The following NODAL variants were observed in gnomAD, a reference collection of about 807,000 sequenced individuals.
The protein encoded by NODAL is nodal homolog.
In NODAL, 12 loss-of-function variants were observed where a neutral mutation model predicts 34.0. That is an observed-to-expected ratio of 0.35 (90% confidence interval 0.23 to 0.57). The LOEUF (loss-of-function observed/expected upper bound fraction) is 0.57. Among genes scored for constraint, NODAL ranks in the 20% least tolerant of loss-of-function variants. The probability of loss-of-function intolerance (pLI) is 0.83; values close to 1 mark genes in which losing one functional copy is unlikely to be tolerated. For missense variants in NODAL, 390 were observed against 444.2 expected (o/e 0.88, Z 1.10); for synonymous variants, 162 against 186.4 (o/e 0.87, Z 1.07).
intron 1 of NODAL, 96 bp from the exon 2 acceptor site, chr10:70,436,079 TA>T: frequency 9.8e-7 from 1 of 1,019,774 alleles, no homozygotes; most frequent in Non-Finnish European, 1.5e-6. Flanking sequence ...CTGGAGGCCT[TA>T]CCTTATATAG....
intron 1 of NODAL, 88 bp from the exon 2 acceptor site, chr10:70,436,071 G>T: frequency 9.0e-7 from 1 of 1,114,116 alleles, no homozygotes; most frequent in Non-Finnish European, 1.4e-6. Context: ...AGCTCTTGCT[G>T]GAGGCCTTAC....
chr10:70,445,493 T>G (rs7072889), upstream of NODAL, among the ~76,000 whole-genome samples: 1 of 152,086 alleles, frequency 6.6e-6, no homozygotes, highest in Non-Finnish European at 1.5e-5. Flanking sequence ...CTCCTGATCT[T>G]GTGATCCACC....
chr10:70,433,430 T>C (rs1307431680), intron 2 of NODAL, among the ~76,000 whole-genome samples: 1 of 152,126 alleles, frequency 6.6e-6, no homozygotes, highest in Admixed American at 6.6e-5. Context: ...TTTTTTTTCT[T>C]TTTTGAGATG....
upstream of NODAL, among the ~76,000 whole-genome samples, chr10:70,445,686 G>A (rs1320387961): frequency 6.6e-6 from 1 of 152,220 alleles, no homozygotes; most frequent in Non-Finnish European, 1.5e-5. Flanking sequence ...GAGACGATGA[G>A]AAAACAGAAG....
intron 1 of NODAL, among the ~76,000 whole-genome samples, chr10:70,438,108 G>A (rs930129315): frequency 4.6e-5 from 7 of 152,024 alleles, no homozygotes; most frequent in Non-Finnish European, 8.8e-5. Flanking sequence ...TGATCAACAT[G>A]GTGAAACCCT....
upstream of NODAL, among the ~76,000 whole-genome samples, chr10:70,444,566 C>T (rs888482295): frequency 6.6e-6 from 1 of 152,034 alleles, no homozygotes; most frequent in Admixed American, 6.6e-5. Flanking sequence ...AACTCCTGAC[C>T]TCGAGTGATC....
chr10:70,443,699 C>T (rs548334376), upstream of NODAL, among the ~76,000 whole-genome samples: 1 of 151,670 alleles, frequency 6.6e-6, no homozygotes, highest in East Asian at 2.0e-4. Flanking sequence ...ATTAGCTGGG[C>T]GTGGTGGCAC....
Position 70,435,328 on chromosome 10 carries a change from A to C in NODAL, c.849T>G (p.Pro283=). Residue 283 remains proline, a synonymous_variant, in exon 2 of 3, where the codon CCT becomes CCG. Coordinates refer to ENST00000287139, the MANE Select transcript of NODAL (RefSeq NM_018055.5). ...AYRCEGECPN[P]VGEEFHPTNH... ...TGGTCGGATGAAACTCCTCCCCAAC[A>C]GGATTAGGACACTCGCCCTCACAGC... is the stretch of plus-strand genomic sequence containing the variant. 6.2e-7 allele frequency: 1 copy of C among 1,613,888 alleles called. No individual in the cohort carries two copies.
chr10:70,435,828 G>A lies in NODAL; in HGVS notation c.349C>T (p.Pro117Ser). Reference sequence around the variant, plus strand: ...GAAGCCTGCTCTGTGTCGGGCTTTGGCTGGTGGAAAATCTCAATGGCAAGT... The same window carrying A: ...GAAGCCTGCTCTGTGTCGGGCTTTGACTGGTGGAAAATCTCAATGGCAAGT... ...GSLAIEIFHQ[P>S]KPDTEQASDS... The change falls in exon 2 of 3, where the codon CCA (proline) becomes TCA (serine). Residue 117 changes from proline (P) to serine (S), a missense_variant. Physicochemically the swap from Pro to Ser is moderately conservative, Grantham distance 74. Coordinates refer to ENST00000287139, the MANE Select transcript of NODAL (RefSeq NM_018055.5). 1 of 1,614,138 alleles carries A rather than the reference G, an allele frequency of 6.2e-7. No homozygotes were observed. Among genetic ancestry groups the A allele is most frequent in the Non-Finnish European group, 8.5e-7 (1 of 1,180,050 alleles).
chr10:70,438,983 G>C (rs1202978360), intron 1 of NODAL, among the ~76,000 whole-genome samples: 1 of 152,132 alleles, frequency 6.6e-6, no homozygotes, highest in Non-Finnish European at 1.5e-5. Context: ...CCACACAGAT[G>C]CCCCTGATGT....
chr10:70,439,329 G>A (rs1366639490), intron 1 of NODAL, among the ~76,000 whole-genome samples: 1 of 152,108 alleles, frequency 6.6e-6, no homozygotes, highest in Non-Finnish European at 1.5e-5. Flanking sequence ...GAAGAAAGTG[G>A]CTCACACCCT....
chr10:70,435,884 G>A lies in NODAL; in HGVS notation c.293C>T (p.Ser98Phe). ...CTCAGTGGGGAGGTCCACAGGGCTG[G>A]ACAGCTGCAGCCGGAGCTCAGCCCA... ...LAWAELRLQL[S>F]SPVDLPTEGS... is the part of the protein sequence containing the mutation. The change falls in exon 2 of 3, where the codon TCC becomes TTC. Residue 98 changes from serine to phenylalanine, a missense_variant. Ser to Phe is a radical substitution (Grantham distance 155). Transcript: ENST00000287139. 1 of 1,614,128 alleles carries A rather than the reference G, an allele frequency of 6.2e-7. No individual in the cohort carries two copies. Among genetic ancestry groups the A allele is most frequent in the Non-Finnish European group, 8.5e-7 (1 of 1,180,022 alleles).
intron 1 of NODAL, among the ~76,000 whole-genome samples, chr10:70,446,774 TTAAAGCA>T (rs1325984436): frequency 6.6e-6 from 1 of 152,138 alleles, no homozygotes; most frequent in Non-Finnish European, 1.5e-5. Context: ...TACACAGGAA[TTAAAGCA>T]TAAGCTTTGT....
rs1438868387 is a variant in NODAL, at chr10:70,441,154, C to T, written c.193+321G>A. 2.6e-5 allele frequency among the ~76,000 whole-genome samples: 4 copies of T among 152,390 alleles called. No homozygotes were observed. The East Asian group carries it at 7.7e-4, about 29-fold the overall frequency. ...ACTTCACAAGACTGGAGATTAGAAG[C>T]TCCCACCCTTCCGCGCTGCGCTCCG... On this transcript the variant is annotated intron_variant, in intron 1 of 2. Transcript: ENST00000287139.
At chr10:70,436,014 GGTGA>G in intron 1 of NODAL, 31 bp from the exon 2 acceptor site, 5 of 1,584,864 alleles carry the variant, frequency 3.2e-6, no homozygotes, top group Non-Finnish European at 4.3e-6. Context: ...AAGGAAGGAG[GGTGA>G]GTGAGGGCCT....
At chr10:70,435,103 G>T in intron 2 of NODAL, 183 bp downstream of exon 2, 1 of 620,070 alleles carries the variant, frequency 1.6e-6, no homozygotes, top group East Asian at 2.8e-5. Context: ...CCCCATACAG[G>T]CTCTATAAGG....
intron 1 of NODAL, among the ~76,000 whole-genome samples, chr10:70,446,732 C>T (rs151230022): frequency 6.1e-4 from 93 of 152,116 alleles, no homozygotes; most frequent in African/African-American, 2.2e-3. Flanking sequence ...ATGTTCTGTG[C>T]GGAAAGCCTT....
rs1366639490 is a variant in NODAL at position 70,439,329 on chromosome 10, G to T, written c.193+2146C>A. ...ACCTCCAGTTCTGAAGAAGAAAGTGGCTCACACCCTTGGGTTCCCTTCCAG... is the reference window on the plus strand; with the variant it reads ...ACCTCCAGTTCTGAAGAAGAAAGTGTCTCACACCCTTGGGTTCCCTTCCAG... On this transcript the variant is annotated intron_variant, in intron 1 of 2. Transcript: ENST00000287139. Among the ~76,000 whole-genome samples the T allele has an allele frequency of 1.3e-5, 2 of 152,226 alleles. 1 individual carries two copies. Among genetic ancestry groups the T allele is most frequent in the South Asian group, 4.2e-4 (2 of 4,816 alleles).
rs143643460 is a variant in NODAL at position 70,447,916 on chromosome 10, G to A, written c.28+8C>T. 1.3e-3 allele frequency: 615 copies of A among 471,098 alleles called. 6 individuals are homozygous for A. Among genetic ancestry groups the A allele is most frequent in the African/African-American group, 0.01 (526 of 50,170 alleles). 29.2% of individuals were successfully genotyped at this position (471,098 alleles called of 1,614,324 possible). A position where few individuals can be genotyped will look rare whatever the true frequency, so the allele number is the denominator to read the frequency against. ...AAGGCAGGTCTAAGACAAGTCTCTCGCTTCTACCTTTAGTCTGTATCCCCA... is the reference window on the plus strand; with the variant it reads ...AAGGCAGGTCTAAGACAAGTCTCTCACTTCTACCTTTAGTCTGTATCCCCA... On this transcript the variant is annotated splice_region_variant and intron_variant, in intron 1 of 2. Coordinates refer to the NODAL transcript ENST00000414871.
Sources: allele counts gnomAD v4.1 joint callset (sites outside exome capture counted in the v4.1 genomes callset), GRCh38; gene constraint gnomAD v4.1.1; transcripts MANE v1.5; gene names NCBI Gene and HGNC (gene_info 2026-07-23, HGNC 2026-07-21).